The following SERAC1 variants were observed in gnomAD, a reference collection of about 807,000 sequenced individuals.
SERAC1 encodes serine active site containing 1.
Under a neutral mutation model 85.7 loss-of-function variants are expected in SERAC1, and 36 were observed. The ratio of observed to expected loss-of-function variants is 0.42; its 90% CI spans 0.32 to 0.55. SERAC1 has a LOEUF of 0.55. SERAC1 is among the 20% of genes least tolerant of loss of function. The pLI is 0.11. For synonymous variants in SERAC1, 242 were observed against 265.3 expected (o/e 0.91, Z 0.85); for missense variants, 629 against 796.2 (o/e 0.79, Z 2.53).
At chr6:158,124,245 T>C (rs906972992) in intron 10 of SERAC1, among the ~76,000 whole-genome samples, 4 of 151,996 alleles carry the variant, frequency 2.6e-5, no homozygotes, top group African/African-American at 9.7e-5. Context: ...GATAGGTCAA[T>C]AGAAACCATC....
At position 158,126,554 on chromosome 6, in the gene SERAC1, A is replaced by G. The variant is rs115795614; in HGVS notation, c.1015+1554T>C. Among the ~76,000 whole-genome samples, 594 of 152,330 alleles carry G rather than the reference A, an allele frequency of 3.9e-3. 6 individuals are homozygous for G. The highest frequency in any genetic ancestry group is 0.014 in the African/African-American group (567 of 41,568). ...AGTAGAATGCCAAATGCTAAAAAGT[A>G]ACTGCAGAGGGTGTGCTGGAGCTAG... On this transcript the variant is annotated intron_variant, in intron 10 of 16. Coordinates refer to ENST00000647468, the MANE Select transcript of SERAC1 (RefSeq NM_032861.4).
chr6:158,126,204 A>C (rs1256616976), intron 10 of SERAC1, among the ~76,000 whole-genome samples: 5 of 152,208 alleles, frequency 3.3e-5, no homozygotes, highest in Admixed American at 2.6e-4. Context: ...CCCAGGAGCA[A>C]TATGCACTCC....
chr6:158,149,260 G>A (rs1309013454), intron 4 of SERAC1, among the ~76,000 whole-genome samples: 3 of 152,158 alleles, frequency 2.0e-5, no homozygotes, highest in Non-Finnish European at 4.4e-5. Context: ...CCAAAGTGCT[G>A]GGATTACAGG....
At chr6:158,133,251 A>C (rs1784718413) in intron 8 of SERAC1, among the ~76,000 whole-genome samples, 1 of 151,680 alleles carries the variant, frequency 6.6e-6, no homozygotes, top group African/African-American at 2.4e-5. Flanking sequence ...GTAAGCCATG[A>C]TCATGCCACT....
Position 158,128,209 on chromosome 6 carries a change from T to C in SERAC1, c.914A>G (p.Tyr305Cys). ...NGGLQLLQRL[Y>C]RLHKDCPKVQ... ...TTTAGGGCAGTCCTTGTGAAGTCGG[T>C]ACAGCCTCTGAAGTAGCTGCAGGCC... The change falls in exon 10 of 17, where the codon TAC (tyrosine) becomes TGC (cysteine). Residue 305 changes from tyrosine (Y) to cysteine (C), a missense_variant. Physicochemically the swap from Tyr to Cys is radical, Grantham distance 194 (BLOSUM62 -2). Transcript: ENST00000647468. The C allele has an allele frequency of 1.9e-6, 3 of 1,614,174 alleles. No individual in the cohort carries two copies. Among genetic ancestry groups the C allele is most frequent in the South Asian group, 1.1e-5 (1 of 91,084 alleles).
chr6:158,158,561 T>G, intron 1 of SERAC1, 197 bp from the exon 2 acceptor site: 2 of 470,526 alleles, frequency 4.3e-6, no homozygotes, highest in South Asian at 6.0e-5. Context: ...TAATATTTTG[T>G]TAGAATTTTC....
At chr6:158,160,698 C>T (rs188507908) in intron 1 of SERAC1, among the ~76,000 whole-genome samples, 6 of 152,092 alleles carry the variant, frequency 3.9e-5, no homozygotes, top group African/African-American at 1.4e-4. Flanking sequence ...TAAAGTTATA[C>T]AATTTATTTC....
intron 15 of SERAC1, among the ~76,000 whole-genome samples, chr6:158,114,189 C>A (rs1177592979): frequency 6.6e-6 from 1 of 152,012 alleles, no homozygotes; most frequent in Non-Finnish European, 1.5e-5. Context: ...GCAGAACCAC[C>A]AGGGCACAGG....
intron 1 of SERAC1, chr6:158,158,616 A>G: frequency 3.1e-6 from 1 of 320,756 alleles, no homozygotes; most frequent in South Asian, 5.0e-5. Context: ...AGTTTTCACA[A>G]TTGGAAAGAT....
At chr6:158,156,890 AT>A (rs1285778803) in intron 2 of SERAC1, among the ~76,000 whole-genome samples, 1 of 129,642 alleles carries the variant, frequency 7.7e-6, no homozygotes, top group Non-Finnish European at 1.6e-5. Context: ...ATATTAATAT[AT>A]TTATATAGAT....
chr6:158,135,356 A>AT (rs1459478998), intron 8 of SERAC1, among the ~76,000 whole-genome samples: 7 of 152,188 alleles, frequency 4.6e-5, no homozygotes, highest in Non-Finnish European at 8.8e-5. Context: ...ACATGGTGAC[A>AT]TCCCGTCTCT....
Position 158,117,903 on chromosome 6 carries a change from A to AACTT in SERAC1, c.1309-83_1309-82insAAGT. On this transcript the variant is annotated intron_variant, in intron 12 of 16. Transcript: ENST00000647468. This position sits in a 1 kb window ranked among gnomAD's most constrained non-coding sequence, Gnocchi z 4.3. Reference sequence around the variant, plus strand: ...TGCCTAGTAAATCAAATTTATAACTAAAGGCCTCTTGCACTATAATTAAAG... The same window carrying AACTT: ...TGCCTAGTAAATCAAATTTATAACTAACTTAAGGCCTCTTGCACTATAATTAAAG... The AACTT allele has an allele frequency of 2.8e-6, 3 of 1,057,502 alleles. No homozygotes were observed. Among genetic ancestry groups the AACTT allele is most frequent in the Non-Finnish European group, 4.3e-6 (3 of 695,478 alleles). 65.5% of individuals were successfully genotyped at this position (1,057,502 alleles called of 1,614,324 possible).
chr6:158,150,227 CAGTT>C (rs1373925760), intron 4 of SERAC1, among the ~76,000 whole-genome samples: 2 of 152,174 alleles, frequency 1.3e-5, no homozygotes, highest in African/African-American at 4.8e-5. Flanking sequence ...CTAAAAATGC[CAGTT>C]AGTCTTCACT....
intron 8 of SERAC1, among the ~76,000 whole-genome samples, chr6:158,137,065 G>C (rs1180685727): frequency 1.3e-5 from 2 of 151,896 alleles, no homozygotes; most frequent in African/African-American, 4.8e-5. Context: ...GGCTGAGGCA[G>C]GAGAATCGCT....
At chr6:158,153,240 CTTGTAT>C (rs1785248642) in intron 3 of SERAC1, among the ~76,000 whole-genome samples, 2 of 152,166 alleles carry the variant, frequency 1.3e-5, no homozygotes, top group Non-Finnish European at 2.9e-5. Context: ...TTTGCTCAGC[CTTGTAT>C]TTGTGAGTTA....
At chr6:158,150,635 G>T in intron 3 of SERAC1, 46 bp from the exon 4 acceptor site, 2 of 1,329,130 alleles carry the variant, frequency 1.5e-6, no homozygotes, top group Non-Finnish European at 2.1e-6. Flanking sequence ...CAATCAAAAT[G>T]TAACACAAGA....
chr6:158,155,659 G>A (rs1199113572), intron 2 of SERAC1, among the ~76,000 whole-genome samples: 1 of 152,078 alleles, frequency 6.6e-6, no homozygotes, highest in Non-Finnish European at 1.5e-5. Context: ...AATGCAACAT[G>A]CAGGCAGCTC....
chr6:158,164,744 T>G (rs1387074521), intron 1 of SERAC1, among the ~76,000 whole-genome samples: 1 of 152,122 alleles, frequency 6.6e-6, no homozygotes, highest in Non-Finnish European at 1.5e-5. Context: ...TAATAAAACG[T>G]GAGTTGTAGC....
intron 3 of SERAC1, among the ~76,000 whole-genome samples, chr6:158,154,614 A>G (rs17569450): frequency 0.015 from 2,215 of 152,250 alleles, 26 homozygotes; most frequent in Non-Finnish European, 0.023. Flanking sequence ...GAAAAATAAC[A>G]ATTTGCTGAA....
Sources: allele counts gnomAD v4.1 joint callset (sites outside exome capture counted in the v4.1 genomes callset), GRCh38; gene constraint gnomAD v4.1.1; non-coding constraint Gnocchi (gnomAD v3.1); transcripts MANE v1.5; gene names NCBI Gene and HGNC (gene_info 2026-07-23, HGNC 2026-07-21).